Variants in RGS6 observed in about 807,000 individuals in gnomAD.
RGS6 encodes regulator of G-protein signaling 6.
In RGS6, 30 loss-of-function variants were observed where a neutral mutation model predicts 78.5. That is an observed-to-expected ratio of 0.38 (90% CI 0.29 to 0.52). The LOEUF (loss-of-function observed/expected upper bound fraction) is 0.52, where lower values mean the gene tolerates loss of function less well. RGS6 is among the 20% of genes least tolerant of loss of function. The pLI, the probability that RGS6 is intolerant of heterozygous loss-of-function variation, is 0.85. For missense variants in RGS6, 495 were observed against 609.7 expected (o/e 0.81, Z 1.98); for synonymous variants, 206 against 206.0 (o/e 1.00, Z 0.00).
intron 2 of RGS6, among the ~76,000 whole-genome samples, chr14:72,318,931 A>T (rs2152501226): frequency 6.6e-6 from 1 of 152,324 alleles, no homozygotes; most frequent in Admixed American, 6.5e-5. Context: ...ACTCATCAGC[A>T]CACAACCCTT....
chr14:71,976,552 A>G (rs866219452), intron 2 of RGS6, among the ~76,000 whole-genome samples: 9 of 151,836 alleles, frequency 5.9e-5, no homozygotes, highest in Admixed American at 6.6e-5. Flanking sequence ...GAGAATGATG[A>G]TTTCCAGTTT....
At chr14:72,465,672 G>A in intron 6 of RGS6, 86 bp from the exon 7 acceptor site, 1 of 935,342 alleles carries the variant, frequency 1.1e-6, no homozygotes, top group Non-Finnish European at 1.7e-6. Context: ...GTGAATGGGT[G>A]AATGGATGGA....
intron 10 of RGS6, among the ~76,000 whole-genome samples, chr14:72,475,563 C>G (rs971155948): frequency 5.3e-5 from 8 of 152,116 alleles, no homozygotes; most frequent in African/African-American, 1.9e-4. Context: ...AACCCCGTCT[C>G]TACTAAAAAT....
intron 14 of RGS6, 126 bp downstream of exon 14, chr14:72,510,405 G>C: frequency 8.1e-7 from 1 of 1,233,726 alleles, no homozygotes; most frequent in Non-Finnish European, 1.2e-6. Flanking sequence ...CAGCTAATCT[G>C]GCTGAGGTTG....
chr14:71,907,854 G>C, the RGS6 span, among the ~76,000 whole-genome samples: 25 of 152,144 alleles, frequency 1.6e-4, no homozygotes, highest in Non-Finnish European at 1.5e-4. Flanking sequence ...GCTTCCTCTA[G>C]TGTATATCTG....
At chr14:72,406,540 C>T (rs555769457) in intron 3 of RGS6, among the ~76,000 whole-genome samples, 4 of 152,184 alleles carry the variant, frequency 2.6e-5, no homozygotes, top group Admixed American at 6.5e-5. Flanking sequence ...TCCCAAAGCT[C>T]GTCAATTGTT....
chr14:72,525,914 T>C (rs1392694573), intron 15 of RGS6, among the ~76,000 whole-genome samples: 1 of 152,150 alleles, frequency 6.6e-6, no homozygotes, highest in Non-Finnish European at 1.5e-5. Context: ...GAGGGATGCA[T>C]TTTGCAGAGA....
chr14:72,190,159 C>T (rs1014647239), intron 2 of RGS6, among the ~76,000 whole-genome samples: 6 of 152,114 alleles, frequency 3.9e-5, no homozygotes, highest in Non-Finnish European at 5.9e-5. Context: ...CTGGGCTACC[C>T]GGGCCTTGCA....
intron 12 of RGS6, among the ~76,000 whole-genome samples, chr14:72,485,178 A>G (rs552022689): frequency 6.6e-6 from 1 of 152,288 alleles, no homozygotes; most frequent in East Asian, 1.9e-4. Context: ...AAAATTGCTC[A>G]TTGAGAAATA....
intron 2 of RGS6, among the ~76,000 whole-genome samples, chr14:72,299,122 T>C (rs1245267022): frequency 6.6e-6 from 1 of 152,220 alleles, no homozygotes; most frequent in African/African-American, 2.4e-5. Context: ...GTTTTTATGG[T>C]AGCATCTTTA....
Position 72,508,562 on chromosome 14 carries a change from C to CTTTTTTTT in RGS6, c.966-1568_966-1561dup, listed in dbSNP as rs61097187. ...CCAAGCTTTCCACGCACACAAGCTCCTTTTTTTTTTTTTTTTTTTTTTTTT... is the reference window on the plus strand; with the variant it reads ...CCAAGCTTTCCACGCACACAAGCTCCTTTTTTTTTTTTTTTTTTTTTTTTTTTTTTTTT... On this transcript the variant is annotated intron_variant, in intron 13 of 17. Transcript: ENST00000553525. Among the ~76,000 whole-genome samples the CTTTTTTTT allele has an allele frequency of 5.5e-3, 311 of 56,454 alleles. 14 individuals carry two copies. The highest frequency in any genetic ancestry group is 6.9e-3 in the South Asian group (7 of 1,010). The allele number at this position is 56,454 out of a possible 152,430, so 37.0% of individuals were successfully genotyped here.
intron 1 of RGS6, among the ~76,000 whole-genome samples, chr14:71,956,486 G>A (rs1029076908): frequency 2.0e-5 from 3 of 152,014 alleles, no homozygotes; most frequent in African/African-American, 7.3e-5. Flanking sequence ...CAAGCTTGAG[G>A]AAGAAGGAGA....
intron 2 of RGS6, among the ~76,000 whole-genome samples, chr14:72,227,666 T>C (rs8016936): frequency 0.12 from 17,691 of 152,208 alleles, 1,307 homozygotes; most frequent in East Asian, 0.35. Context: ...TGTTCTTGTT[T>C]AGCATATTTT....
the RGS6 span, chr14:72,629,668 T>C: frequency 6.5e-7 from 1 of 1,536,144 alleles, no homozygotes; most frequent in South Asian, 1.2e-5. Context: ...TTGCACTCTA[T>C]GCACTGCCAC....
At chr14:72,371,303 C>T (rs529519593) in intron 3 of RGS6, among the ~76,000 whole-genome samples, 34 of 152,108 alleles carry the variant, frequency 2.2e-4, no homozygotes, top group Admixed American at 3.3e-4. Context: ...CTAAATGTCG[C>T]ATTAATTCAT....
the RGS6 span, among the ~76,000 whole-genome samples, chr14:72,590,716 G>C: frequency 7.2e-5 from 11 of 152,320 alleles, 1 homozygote; most frequent in South Asian, 2.1e-3. Flanking sequence ...TTTGCGAGGC[G>C]GGGAGAGGAG....
chr14:72,568,605 T>C (rs17117743), downstream of RGS6, among the ~76,000 whole-genome samples: 13,905 of 152,236 alleles, frequency 0.091, 1,172 homozygotes, highest in African/African-American at 0.21. Flanking sequence ...AACCCTGCAT[T>C]AGGCCTGAGA....
chr14:72,402,015 C>T (rs2092451376), intron 3 of RGS6, among the ~76,000 whole-genome samples: 1 of 152,196 alleles, frequency 6.6e-6, no homozygotes. Context: ...TGGGAGTAAT[C>T]TGGGGGGAAG....
chr14:71,885,703 C>A, the RGS6 span, among the ~76,000 whole-genome samples: 1 of 152,172 alleles, frequency 6.6e-6, no homozygotes, highest in African/African-American at 2.4e-5. Context: ...GCGTTCAGTG[C>A]ATTCTTTGGA....
Sources: allele counts gnomAD v4.1 joint callset (sites outside exome capture counted in the v4.1 genomes callset), GRCh38; gene constraint gnomAD v4.1.1; transcripts MANE v1.5; gene names NCBI Gene and HGNC (gene_info 2026-07-23, HGNC 2026-07-21).